The following NBAS variants were observed in gnomAD, a reference collection of about 807,000 sequenced individuals.
NBAS encodes the protein NAG/BC035112 fusion.
A neutral mutation model predicts 302.5 loss-of-function variants in NBAS; 219 were observed. The ratio of observed to expected loss-of-function variants is 0.72; its 90% confidence interval spans 0.65 to 0.81. NBAS has a LOEUF of 0.81. NBAS is among the 30% of genes least tolerant of loss of function. The pLI is 0.00. For synonymous variants in NBAS, 1,118 were observed against 1,021.6 expected (o/e 1.09, Z -1.80); for missense variants, 2,932 against 2,841.6 (o/e 1.03, Z -0.72).
chr2:14,858,794 T>G, the NBAS span, among the ~76,000 whole-genome samples: 1 of 152,026 alleles, frequency 6.6e-6, no homozygotes, highest in Non-Finnish European at 1.5e-5. Flanking sequence ...ATTATTTGAT[T>G]GCACATTTTT....
intron 12 of NBAS, among the ~76,000 whole-genome samples, chr2:15,486,950 A>G (rs565357032): frequency 6.6e-6 from 1 of 152,258 alleles, no homozygotes; most frequent in East Asian, 1.9e-4. Flanking sequence ...GATTTTCAGT[A>G]AACAAAAGCG....
chr2:15,358,776 C>T (rs745334333), intron 32 of NBAS, among the ~76,000 whole-genome samples: 14 of 152,068 alleles, frequency 9.2e-5, no homozygotes, highest in African/African-American at 1.7e-4. Context: ...AGGAGCCAAC[C>T]GGCCTGTGAT....
chr2:14,914,619 G>A, the NBAS span, among the ~76,000 whole-genome samples: 1 of 152,102 alleles, frequency 6.6e-6, no homozygotes, highest in African/African-American at 2.4e-5. Flanking sequence ...GTCATTCCAG[G>A]CCCAACTGAT....
At chr2:15,187,418 G>A (rs1301562785) in intron 49 of NBAS, among the ~76,000 whole-genome samples, 5 of 151,896 alleles carry the variant, frequency 3.3e-5, no homozygotes, top group Admixed American at 6.6e-5. Flanking sequence ...TATTGTAATG[G>A]GGTCAGGGCA....
chr2:15,443,903 A>G (rs1375212947), intron 21 of NBAS, among the ~76,000 whole-genome samples: 2 of 152,286 alleles, frequency 1.3e-5, no homozygotes, highest in East Asian at 3.9e-4. Context: ...CCCATTCACA[A>G]TTGCTTCAAA....
the NBAS span, among the ~76,000 whole-genome samples, chr2:15,069,074 G>A: frequency 6.6e-6 from 1 of 152,124 alleles, no homozygotes; most frequent in Non-Finnish European, 1.5e-5. Flanking sequence ...TCCACAAATG[G>A]ATTAATGCAT....
chr2:14,903,327 C>CAAA, the NBAS span, among the ~76,000 whole-genome samples: 1 of 62,630 alleles, frequency 1.6e-5, no homozygotes, highest in East Asian at 4.4e-4. Context: ...ATAAGCTTTG[C>CAAA]AAAAAAAAAA....
intron 38 of NBAS, among the ~76,000 whole-genome samples, chr2:15,321,941 G>A (rs532117267): frequency 7.2e-5 from 11 of 152,232 alleles, no homozygotes; most frequent in African/African-American, 1.9e-4. Flanking sequence ...ATATGCACAC[G>A]TATGTTTATT....
the NBAS span, among the ~76,000 whole-genome samples, chr2:14,831,320 A>T: frequency 6.6e-6 from 1 of 152,182 alleles, no homozygotes; most frequent in Non-Finnish European, 1.5e-5. Flanking sequence ...TAACTCAATG[A>T]TCATTACTAT....
chr2:15,207,956 G>A (rs1448721299), intron 48 of NBAS, among the ~76,000 whole-genome samples: 2 of 152,150 alleles, frequency 1.3e-5, no homozygotes, highest in Admixed American at 6.5e-5. Flanking sequence ...ACTATATAAT[G>A]ATAAAAAGGT....
the NBAS span, among the ~76,000 whole-genome samples, chr2:14,780,228 A>G: frequency 6.6e-6 from 1 of 152,214 alleles, no homozygotes; most frequent in Non-Finnish European, 1.5e-5. Flanking sequence ...GTTAGATGTG[A>G]TATGAAAAAT....
chr2:15,523,193 T>C (rs10929373), intron 9 of NBAS, among the ~76,000 whole-genome samples: 77,025 of 152,018 alleles, frequency 0.51, 22,916 homozygotes, highest in Non-Finnish European at 0.67. Flanking sequence ...CTAAACACAA[T>C]GAAAAATACA....
chr2:15,496,524 T>A (rs1357518192), intron 11 of NBAS, among the ~76,000 whole-genome samples: 1 of 152,156 alleles, frequency 6.6e-6, no homozygotes, highest in Non-Finnish European at 1.5e-5. Context: ...TTAAACCACA[T>A]ATTTGTTTGA....
At chr2:15,160,962 C>G in the NBAS span, among the ~76,000 whole-genome samples, 351 of 152,310 alleles carry the variant, frequency 2.3e-3, 2 homozygotes, top group African/African-American at 8.3e-3. Context: ...GGTGGATTAT[C>G]CATTCTATAC....
At chr2:15,346,737 G>A (rs368862374) in intron 35 of NBAS, among the ~76,000 whole-genome samples, 2 of 152,100 alleles carry the variant, frequency 1.3e-5, no homozygotes, top group African/African-American at 4.8e-5. Context: ...CAAAAGCAAA[G>A]CCATGGAACC....
At chr2:15,337,882 G>A (rs1216933970) in intron 35 of NBAS, among the ~76,000 whole-genome samples, 1 of 152,154 alleles carries the variant, frequency 6.6e-6, no homozygotes, top group Non-Finnish European at 1.5e-5. Context: ...GATTACTACT[G>A]CCACTTTTTA....
At chr2:15,433,453 A>G (rs1677858921) in intron 21 of NBAS, among the ~76,000 whole-genome samples, 1 of 152,158 alleles carries the variant, frequency 6.6e-6, no homozygotes, top group African/African-American at 2.4e-5. Context: ...GATATATATG[A>G]CTCTGGTTGA....
chr2:14,879,528 T>C, the NBAS span, among the ~76,000 whole-genome samples: 1 of 152,224 alleles, frequency 6.6e-6, no homozygotes, highest in Non-Finnish European at 1.5e-5. Context: ...TATATCAATA[T>C]ACAAACATTA....
the NBAS span, among the ~76,000 whole-genome samples, chr2:14,867,694 T>A: frequency 6.6e-6 from 1 of 152,224 alleles, no homozygotes; most frequent in Non-Finnish European, 1.5e-5. Flanking sequence ...GACATTATTC[T>A]TCCTCTGTCT....
Sources: gnomAD v4.1 joint callset for allele counts (sites outside exome capture counted in the v4.1 genomes callset) on GRCh38, gnomAD v4.1.1 for gene constraint, MANE v1.5 for transcripts, NCBI Gene and HGNC (gene_info 2026-07-23, HGNC 2026-07-21) for gene names.